Variants in FSTL1 observed in about 807,000 individuals in gnomAD.
The protein encoded by FSTL1 is follistatin-related protein 1.
In FSTL1, 24 loss-of-function variants were observed where a neutral mutation model predicts 45.9. That is an observed-to-expected ratio of 0.52 (90% CI 0.38 to 0.74). The LOEUF is 0.74. FSTL1 is among the 30% of genes least tolerant of loss of function. The pLI is 0.00. For missense variants in FSTL1, 340 were observed against 381.8 expected (o/e 0.89, Z 0.91); for synonymous variants, 120 against 137.6 (o/e 0.87, Z 0.89).
chr3:120,396,313 G>A lies in FSTL1; in HGVS notation c.*639C>T, dbSNP rs1466368885. ...GTTTTACAGAGAAATAGCACCTTTG[G>A]TAAAAAGTATTTTTAAAATTTGGTT... is the stretch of plus-strand genomic sequence containing the variant. On this transcript the variant is annotated 3_prime_UTR_variant, in exon 11 of 11. Coordinates refer to ENST00000295633, the MANE Select transcript of FSTL1 (RefSeq NM_007085.5). 6.6e-6 allele frequency: 1 copy of A among 152,624 alleles called. No individual in the cohort carries two copies. The highest frequency in any genetic ancestry group is 1.5e-5 in the Non-Finnish European group (1 of 68,152). 9.5% of individuals were successfully genotyped at this position (152,624 alleles called of 1,614,324 possible).
intron 6 of FSTL1, among the ~76,000 whole-genome samples, chr3:120,405,989 T>C (rs769327496): frequency 6.6e-5 from 10 of 152,110 alleles, no homozygotes; most frequent in Non-Finnish European, 1.0e-4. Flanking sequence ...GCTCCCCAGA[T>C]GGTGCAAGGG....
chr3:120,405,480 T>C (rs1309185276), intron 6 of FSTL1, among the ~76,000 whole-genome samples: 1 of 152,238 alleles, frequency 6.6e-6, no homozygotes, highest in East Asian at 1.9e-4. Context: ...TGTTGCTTGA[T>C]TCCAGCCTCC....
intron 2 of FSTL1, among the ~76,000 whole-genome samples, chr3:120,438,950 G>A (rs78418394): frequency 6.6e-6 from 1 of 152,146 alleles, no homozygotes. Context: ...CTATGTGTGC[G>A]ACTCGTTGCC....
At chr3:120,428,156 G>A (rs1401866472) in intron 2 of FSTL1, among the ~76,000 whole-genome samples, 1 of 152,152 alleles carries the variant, frequency 6.6e-6, no homozygotes, top group Admixed American at 6.5e-5. Context: ...ATATTCTGGG[G>A]ATCTCTAACT....
intron 1 of FSTL1, 72 bp from the exon 2 acceptor site, chr3:120,450,818 C>T: frequency 1.7e-6 from 2 of 1,153,714 alleles, no homozygotes; most frequent in East Asian, 3.1e-5. Context: ...TGCTCGGGTC[C>T]CGCAGGCTCG....
chr3:120,422,403 G>A (rs1034905980), intron 2 of FSTL1, among the ~76,000 whole-genome samples: 1 of 151,960 alleles, frequency 6.6e-6, no homozygotes, highest in East Asian at 1.9e-4. Context: ...GCTTGATTAT[G>A]GTGAACATTT....
intron 2 of FSTL1, among the ~76,000 whole-genome samples, chr3:120,426,232 G>T (rs944199810): frequency 6.6e-6 from 1 of 152,124 alleles, no homozygotes; most frequent in Non-Finnish European, 1.5e-5. Flanking sequence ...TAGGGCAGCT[G>T]TGGGAAAATT....
intron 2 of FSTL1, among the ~76,000 whole-genome samples, chr3:120,445,948 C>T (rs1402893384): frequency 1.3e-5 from 2 of 149,978 alleles, no homozygotes; most frequent in African/African-American, 2.5e-5. Flanking sequence ...TTGCCAAAAT[C>T]GCAGGAGTCA....
chr3:120,429,045 A>G (rs1937432966), intron 2 of FSTL1, among the ~76,000 whole-genome samples: 2 of 152,264 alleles, frequency 1.3e-5, no homozygotes, highest in South Asian at 4.1e-4. Context: ...TCCGAGGAAT[A>G]CAGTCTTCCA....
chr3:120,442,811 GCA>G (rs1937652748), intron 2 of FSTL1, among the ~76,000 whole-genome samples: 23 of 112,982 alleles, frequency 2.0e-4, no homozygotes, highest in African/African-American at 9.9e-4. Context: ...AAAAAAAAAA[GCA>G]GACTTGGAGA....
intron 2 of FSTL1, among the ~76,000 whole-genome samples, chr3:120,446,068 CATT>C (rs1163381671): frequency 2.2e-5 from 3 of 138,564 alleles, no homozygotes; most frequent in African/African-American, 1.0e-4. Flanking sequence ...TAACTGGTAT[CATT>C]AAGCTAATAA....
intron 2 of FSTL1, among the ~76,000 whole-genome samples, chr3:120,422,453 C>G (rs1047616605): frequency 6.6e-6 from 1 of 152,094 alleles, no homozygotes; most frequent in Non-Finnish European, 1.5e-5. Context: ...AACATTTGTA[C>G]ACCTTAAATA....
chr3:120,439,023 C>A (rs1937600337), intron 2 of FSTL1, among the ~76,000 whole-genome samples: 1 of 152,134 alleles, frequency 6.6e-6, no homozygotes, highest in Non-Finnish European at 1.5e-5. Context: ...GACAGACAAC[C>A]AAAGTAAGAG....
In FSTL1 at chr3:120,396,408, C is replaced by T. The variant is rs1383743706; in HGVS notation, c.*544G>A. The T allele has an allele frequency of 6.5e-6, 1 of 153,436 alleles. No individual in the cohort carries two copies. The highest frequency in any genetic ancestry group is 2.4e-5 in the African/African-American group (1 of 41,392). The allele number at this position is 153,436 out of a possible 1,614,324, so 9.5% of individuals were successfully genotyped here. On this transcript the variant is annotated 3_prime_UTR_variant, in exon 11 of 11. Coordinates refer to ENST00000295633, the MANE Select transcript of FSTL1 (RefSeq NM_007085.5). ...GGTGTACCCTCCCAGAAACTCCATC[C>T]AAGTCTGAGGGACACTGGGTTAACT...
Position 120,412,838 on chromosome 3 carries a change from G to GCCCA in FSTL1, c.169-856_169-855insTGGG, listed in dbSNP as rs1429168694. 3.8e-5 allele frequency among the ~76,000 whole-genome samples: 4 copies of GCCCA among 106,192 alleles called. No homozygotes were observed. The East Asian group carries it at 1.2e-3, about 32-fold the overall frequency. The allele number at this position is 106,192 out of a possible 152,430, so 69.7% of individuals were successfully genotyped here. A position where few individuals can be genotyped will look rare whatever the true frequency, so the allele number is the denominator to read the frequency against. Reference sequence around the variant, plus strand: ...CACATGTGCGCGCGCGCGCGCGCGCGCACACACACACACACACACACACAC... The same window carrying GCCCA: ...CACATGTGCGCGCGCGCGCGCGCGCGCCCACACACACACACACACACACACACAC... On this transcript the variant is annotated intron_variant, in intron 3 of 10. Transcript: ENST00000295633.
At chr3:120,447,584 G>A (rs1326540827) in intron 2 of FSTL1, among the ~76,000 whole-genome samples, 1 of 152,190 alleles carries the variant, frequency 6.6e-6, no homozygotes, top group African/African-American at 2.4e-5. Context: ...AAGCAACCCT[G>A]AGGTGCCAAG....
In FSTL1 at chr3:120,443,991, C is replaced by A. The variant is rs935216929; in HGVS notation, c.63+6693G>T. Among the ~76,000 whole-genome samples the A allele has an allele frequency of 2.9e-4, 44 of 150,078 alleles. 3 individuals carry two copies. Among genetic ancestry groups the A allele is most frequent in the African/African-American group, 1.1e-3 (42 of 39,440 alleles). On this transcript the variant is annotated intron_variant, in intron 2 of 10. Transcript: ENST00000295633. ...GCAGCTCTTAGAACTTTAGCAAGAG[C>A]AACTGTTTACTTCATCAGAATAGCC...
chr3:120,402,580 C>T lies in FSTL1; in HGVS notation c.805+228G>A, dbSNP rs146259742. 1.3e-3 allele frequency among the ~76,000 whole-genome samples: 200 copies of T among 152,154 alleles called. 1 individual carries two copies. The highest frequency in any genetic ancestry group is 4.6e-3 in the African/African-American group (193 of 41,506). Reference sequence around the variant, plus strand: ...CTTTTGCCCAGGGTCTTGGTCCTCTCTTATTCCAAGCCTCTGGAGTGATTT... The same window carrying T: ...CTTTTGCCCAGGGTCTTGGTCCTCTTTTATTCCAAGCCTCTGGAGTGATTT... On this transcript the variant is annotated intron_variant, in intron 9 of 10. Coordinates refer to ENST00000295633, the MANE Select transcript of FSTL1 (RefSeq NM_007085.5).
intron 7 of FSTL1, among the ~76,000 whole-genome samples, chr3:120,403,964 A>AAC (rs1560011638): frequency 0.01 from 854 of 83,718 alleles, 25 homozygotes; most frequent in Non-Finnish European, 0.016. Flanking sequence ...AACAAAACAA[A>AAC]AACAAAAACA....
Sources: allele counts gnomAD v4.1 joint callset (sites outside exome capture counted in the v4.1 genomes callset), GRCh38; gene constraint gnomAD v4.1.1; transcripts MANE v1.5; gene names NCBI Gene and HGNC (gene_info 2026-07-23, HGNC 2026-07-21).